Variants in FREM2 observed in about 807,000 individuals in gnomAD.
The protein encoded by FREM2 is FRAS1 related extracellular matrix 2.
Under a neutral mutation model 219.9 loss-of-function variants are expected in FREM2, and 119 were observed. The observed-to-expected ratio is 0.54, with a 90% CI of 0.47 to 0.63. FREM2 has a LOEUF of 0.63. FREM2 is among the 30% of genes least tolerant of loss of function. The probability of loss-of-function intolerance (pLI) is 0.00; values close to 1 mark genes in which losing one functional copy is unlikely to be tolerated. For missense variants in FREM2, 4,030 were observed against 3,993.6 expected, an observed-to-expected ratio of 1.01 and a Z score of -0.25; for synonymous variants, 1,562 against 1,522.8, an observed-to-expected ratio of 1.03 and a Z score of -0.60.
chr13:38,802,826 C>T (rs1048352719), intron 6 of FREM2, among the ~76,000 whole-genome samples: 6 of 152,140 alleles, frequency 3.9e-5, no homozygotes, highest in African/African-American at 9.7e-5. Flanking sequence ...CCATATAGGT[C>T]GAGGGGTCTC....
chr13:38,787,043 G>A (rs1367079807), intron 6 of FREM2, among the ~76,000 whole-genome samples: 2 of 152,096 alleles, frequency 1.3e-5, no homozygotes, highest in African/African-American at 4.8e-5. Flanking sequence ...TTTTACTATT[G>A]TCAGTGTCTT....
intron 2 of FREM2, among the ~76,000 whole-genome samples, chr13:38,704,955 G>C (rs1358855896): frequency 6.6e-6 from 1 of 152,150 alleles, no homozygotes; most frequent in Non-Finnish European, 1.5e-5. Flanking sequence ...CCGCCACCAT[G>C]ATCCAATCAC....
chr13:38,777,244 C>T (rs1482365650), intron 4 of FREM2, among the ~76,000 whole-genome samples: 4 of 152,174 alleles, frequency 2.6e-5, no homozygotes, highest in African/African-American at 7.2e-5. Flanking sequence ...TTTCTAACTT[C>T]GTTTTTTCTG....
At chr13:38,727,588 A>G (rs1210622903) in intron 2 of FREM2, among the ~76,000 whole-genome samples, 1 of 152,284 alleles carries the variant, frequency 6.6e-6, no homozygotes, top group Non-Finnish European at 1.5e-5. Flanking sequence ...GCATGAAGGC[A>G]GAGACTATGA....
intron 4 of FREM2, among the ~76,000 whole-genome samples, chr13:38,781,208 T>G (rs2137827580): frequency 6.6e-6 from 1 of 151,960 alleles, no homozygotes; most frequent in South Asian, 2.1e-4. Context: ...TTGTACACAC[T>G]TGGCACAACC....
At chr13:38,804,902 T>C (rs895131588) in intron 6 of FREM2, among the ~76,000 whole-genome samples, 1 of 152,142 alleles carries the variant, frequency 6.6e-6, no homozygotes, top group Non-Finnish European at 1.5e-5. Flanking sequence ...ATTTTTGCAA[T>C]TTTCCAGCCA....
Position 38,688,831 on chromosome 13 carries a change from G to A in FREM2, c.1487G>A (p.Gly496Asp). The A allele has an allele frequency of 6.2e-7, 1 of 1,613,974 alleles. No individual in the cohort carries two copies. Among genetic ancestry groups the A allele is most frequent in the Non-Finnish European group, 8.5e-7 (1 of 1,180,022 alleles). The change falls in exon 1 of 24, where the codon GGT becomes GAT. Residue 496 changes from glycine (G) to aspartate (D), a missense_variant. By Grantham distance (94) the Gly-to-Asp change is moderately conservative. Around this residue, in one of 2 missense-constraint regions of FREM2, gnomAD observed 3,102 missense variants for 2,950.7 expected, o/e 1.05. Coordinates refer to ENST00000280481, the MANE Select transcript of FREM2 (RefSeq NM_207361.6). ...CGGCATGGTCACCTTGTCATTCTGG[G>A]TGCTTCCAGTGGCAGCTCTGCTCCC... Reference protein sequence around the residue: ...GLRHGHLVILGASSGSSAPKS... With the variant: ...GLRHGHLVILDASSGSSAPKS...
intron 11 of FREM2, among the ~76,000 whole-genome samples, 163 bp from the exon 12 acceptor site, chr13:38,855,963 T>C (rs889521343): frequency 6.6e-6 from 1 of 151,714 alleles, no homozygotes; most frequent in African/African-American, 2.4e-5. Flanking sequence ...GTGATGTTTG[T>C]TAAACATTTG....
intron 6 of FREM2, among the ~76,000 whole-genome samples, chr13:38,803,050 G>A (rs4408417): frequency 0.39 from 59,294 of 151,846 alleles, 13,341 homozygotes; most frequent in Non-Finnish European, 0.51. Flanking sequence ...TTCAAAGTTT[G>A]AATATTTGCT....
Position 38,798,587 on chromosome 13 carries a change from A to G in FREM2, c.6019+13779A>G, listed in dbSNP as rs114610879. Among the ~76,000 whole-genome samples the G allele has an allele frequency of 4.6e-3, 704 of 152,212 alleles. 3 individuals are homozygous for G. Among genetic ancestry groups the G allele is most frequent in the African/African-American group, 0.017 (689 of 41,552 alleles). On this transcript the variant is annotated intron_variant, in intron 6 of 23. Transcript: ENST00000280481. ...TTTGGTAGAATTCTGCAGTGAATTTATTAAGTCCTGAGCTTTTCTTTGTTG... is the reference window on the plus strand; with the variant it reads ...TTTGGTAGAATTCTGCAGTGAATTTGTTAAGTCCTGAGCTTTTCTTTGTTG...
At chr13:38,778,517 A>G (rs543159089) in intron 4 of FREM2, among the ~76,000 whole-genome samples, 1 of 152,240 alleles carries the variant, frequency 6.6e-6, no homozygotes, top group South Asian at 2.1e-4. Context: ...TCCTAATACC[A>G]CTGCCTTGGG....
At chr13:38,842,953 T>C (rs967861881) in intron 6 of FREM2, among the ~76,000 whole-genome samples, 1 of 152,200 alleles carries the variant, frequency 6.6e-6, no homozygotes, top group African/African-American at 2.4e-5. Flanking sequence ...AATAGACTTT[T>C]CTGTAGTCAA....
chr13:38,817,229 G>A (rs1165096283), intron 6 of FREM2, among the ~76,000 whole-genome samples: 1 of 151,882 alleles, frequency 6.6e-6, no homozygotes, highest in East Asian at 1.9e-4. Flanking sequence ...AATTTATCTA[G>A]AACAAAAGAC....
At chr13:38,715,403 G>A (rs1870958425) in intron 2 of FREM2, among the ~76,000 whole-genome samples, 1 of 152,150 alleles carries the variant, frequency 6.6e-6, no homozygotes, top group African/African-American at 2.4e-5. Flanking sequence ...TCTCTCCCCA[G>A]ATGTTGGAAG....
chr13:38,874,646 C>A, intron 18 of FREM2, 60 bp downstream of exon 18: 1 of 1,334,336 alleles, frequency 7.5e-7, no homozygotes, highest in Non-Finnish European at 1.1e-6. Flanking sequence ...GATTTTCCAT[C>A]TTCACACATT....
intron 2 of FREM2, among the ~76,000 whole-genome samples, chr13:38,727,303 TG>T (rs1327247266): frequency 6.6e-6 from 1 of 152,186 alleles, no homozygotes; most frequent in Non-Finnish European, 1.5e-5. Flanking sequence ...ATCTACATGG[TG>T]AAACCCCGTC....
At position 38,859,283 on chromosome 13, in the gene FREM2, G is replaced by A. The variant is rs373594819; in HGVS notation, c.7216-4G>A. ...TTCCTAACACAGTCATTTGTTTTCC[G>A]TAGGCTTGCAACCCCAAATATTCAG... On this transcript the variant is annotated splice_region_variant and splice_polypyrimidine_tract_variant and intron_variant, in intron 13 of 23. Transcript: ENST00000280481. 89 of 1,613,920 alleles carry A rather than the reference G, an allele frequency of 5.5e-5. 1 individual carries two copies. The highest frequency in any genetic ancestry group is 1.9e-4 in the African/African-American group (14 of 75,040).
At position 38,783,107 on chromosome 13, in the gene FREM2, T is replaced by C; in HGVS notation, c.5679T>C (p.Val1893=). 2.5e-6 allele frequency: 4 copies of C among 1,613,972 alleles called. No homozygotes were observed. The East Asian group carries it at 8.9e-5, about 36-fold the overall frequency. The stretch of plus-strand genomic sequence containing the variant: ...TTATTCCCCAGTCCAAATACTCCGT[T>C]GAAGAAGATGTTGGTGAGCTGTTCA... ...TVFIPQSKYS[V]EEDVGELFIP... Residue 1893 remains valine (V), a synonymous_variant, in exon 5 of 24, where the codon GTT becomes GTC. Coordinates refer to ENST00000280481, the MANE Select transcript of FREM2 (RefSeq NM_207361.6).
At position 38,690,525 on chromosome 13, in the gene FREM2, C is replaced by G; in HGVS notation, c.3181C>G (p.Pro1061Ala). The change falls in exon 1 of 24, where the codon CCT (proline) becomes GCT (alanine). Residue 1061 changes from proline (P) to alanine (A), a missense_variant. This residue lies in a region of FREM2 where 3,102 missense variants were observed against 2,950.7 expected (regional missense o/e 1.05). Coordinates refer to ENST00000280481, the MANE Select transcript of FREM2 (RefSeq NM_207361.6). ...AGTTACTATATGGGTGACCATCCTG[C>G]CTGTTGATAGCCAGGCCCCAGAAAT... ...QGVTIWVTIL[P>A]VDSQAPEIFV... 6.2e-7 allele frequency: 1 copy of G among 1,614,152 alleles called. No homozygotes were observed. The highest frequency in any genetic ancestry group is 1.3e-5 in the African/African-American group (1 of 75,054).
Sources: allele counts gnomAD v4.1 joint callset (sites outside exome capture counted in the v4.1 genomes callset), GRCh38; gene constraint gnomAD v4.1.1; regional missense constraint gnomAD v4.1.1; transcripts MANE v1.5; gene names NCBI Gene and HGNC (gene_info 2026-07-23, HGNC 2026-07-21).